GRIK2: variants seen among roughly 807,000 people sequenced by gnomAD.
GRIK2 encodes the protein glutamate receptor ionotropic, kainate 2.
Under a neutral mutation model 100.3 loss-of-function variants are expected in GRIK2, and 32 were observed. That is an observed-to-expected ratio of 0.32 (90% confidence interval 0.24 to 0.43). The LOEUF (loss-of-function observed/expected upper bound fraction) is 0.43, where lower values mean the gene tolerates loss of function less well. Ranked by LOEUF, GRIK2 falls within the 20% of genes least tolerant of loss-of-function variation. The probability of loss-of-function intolerance (pLI) is 1.00; values close to 1 mark genes in which losing one functional copy is unlikely to be tolerated. For synonymous variants in GRIK2, 417 were observed against 389.4 expected (o/e 1.07, Z -0.83); for missense variants, 843 against 1,114.9 (o/e 0.76, Z 3.47).
chr6:101,714,732 T>C (rs2128361158), intron 7 of GRIK2, among the ~76,000 whole-genome samples: 1 of 151,924 alleles, frequency 6.6e-6, no homozygotes, highest in African/African-American at 2.4e-5. Flanking sequence ...CTGTGCTTTG[T>C]AGCTGTTTTC....
chr6:102,044,091 T>G (rs1159423521), intron 15 of GRIK2, among the ~76,000 whole-genome samples: 2 of 151,900 alleles, frequency 1.3e-5, no homozygotes, highest in African/African-American at 4.8e-5. Context: ...GACCTTAATT[T>G]TATAGAAGTA....
At chr6:101,457,763 G>A (rs1296152515) in intron 2 of GRIK2, among the ~76,000 whole-genome samples, 1 of 151,984 alleles carries the variant, frequency 6.6e-6, no homozygotes, top group Non-Finnish European at 1.5e-5. Context: ...TTCAAACAAG[G>A]TTGACCTGGA....
chr6:101,485,382 TAATA>T (rs1475150531), intron 2 of GRIK2, among the ~76,000 whole-genome samples: 1 of 152,216 alleles, frequency 6.6e-6, no homozygotes, highest in Admixed American at 6.5e-5. Flanking sequence ...TTTTTAGGCA[TAATA>T]AATTAACTTT....
chr6:102,027,304 T>G (rs1184806516), intron 14 of GRIK2, among the ~76,000 whole-genome samples: 1 of 151,256 alleles, frequency 6.6e-6, no homozygotes, highest in Non-Finnish European at 1.5e-5. Context: ...TTTACTGTAT[T>G]AATCTATACA....
intron 2 of GRIK2, among the ~76,000 whole-genome samples, chr6:101,410,269 T>A (rs764570751): frequency 8.5e-5 from 13 of 152,172 alleles, no homozygotes; most frequent in Non-Finnish European, 1.6e-4. Context: ...ATGATGAACT[T>A]TTAGTTATTT....
In GRIK2 at chr6:101,420,020, T is replaced by C. The variant is rs1056227049; in HGVS notation, c.115+20628T>C. ...TTCTAACCTCTAGAGTGCAGCCCAA[T>C]GTGAAGATAATAATAACAGTGAAAT... is the stretch of plus-strand genomic sequence containing the variant. On this transcript the variant is annotated intron_variant, in intron 2 of 16. Transcript: ENST00000369134. Among the ~76,000 whole-genome samples, 8 of 152,312 alleles carry C rather than the reference T, an allele frequency of 5.3e-5. No homozygotes were observed. The East Asian group carries it at 9.6e-4, about 18-fold the overall frequency.
At chr6:101,461,006 C>T (rs1771279146) in intron 2 of GRIK2, among the ~76,000 whole-genome samples, 1 of 152,002 alleles carries the variant, frequency 6.6e-6, no homozygotes, top group Admixed American at 6.5e-5. Flanking sequence ...GTAGACATCA[C>T]CAATTAGAAA....
At chr6:101,427,468 G>T (rs1307589060) in intron 2 of GRIK2, among the ~76,000 whole-genome samples, 4 of 152,152 alleles carry the variant, frequency 2.6e-5, no homozygotes, top group Non-Finnish European at 1.5e-5. Context: ...TGTGCATGAA[G>T]GCAGGGACTA....
intron 10 of GRIK2, among the ~76,000 whole-genome samples, chr6:101,827,472 AAAAAC>A (rs1172912975): frequency 3.5e-5 from 5 of 144,866 alleles, no homozygotes; most frequent in African/African-American, 5.6e-5. Flanking sequence ...ATTGGATTAA[AAAAAC>A]AAAACAAAAC....
intron 2 of GRIK2, among the ~76,000 whole-genome samples, chr6:101,548,972 C>T (rs927053164): frequency 3.3e-5 from 5 of 152,018 alleles, no homozygotes; most frequent in African/African-American, 9.7e-5. Context: ...ATTTTGATCT[C>T]TTGGAAGAGG....
chr6:101,566,255 A>G (rs184528013), intron 2 of GRIK2, among the ~76,000 whole-genome samples: 121 of 151,990 alleles, frequency 8.0e-4, no homozygotes, highest in African/African-American at 2.7e-3. Flanking sequence ...TGTGATCATA[A>G]TACATATGAA....
Position 101,393,733 on chromosome 6 carries a change from G to T in GRIK2, c.-398G>T, listed in dbSNP as rs1318202298. Among the ~76,000 whole-genome samples, 2 of 152,098 alleles carry T rather than the reference G, an allele frequency of 1.3e-5. No homozygotes were observed. Among genetic ancestry groups the T allele is most frequent in the Non-Finnish European group, 2.9e-5 (2 of 68,010 alleles). ...ACTCGCGCTCGGCGCCGGCGGCTGC[G>T]CTGGTCGGTCTGGTAGCTGGGGACT... On this transcript the variant is annotated 5_prime_UTR_variant, in exon 1 of 17. Coordinates refer to ENST00000369134, the MANE Select transcript of GRIK2 (RefSeq NM_021956.5).
chr6:101,979,239 A>C (rs1793575970), intron 14 of GRIK2, among the ~76,000 whole-genome samples: 1 of 151,940 alleles, frequency 6.6e-6, no homozygotes, highest in Non-Finnish European at 1.5e-5. Flanking sequence ...GAAGAGTTGC[A>C]GTTTTTAGTA....
At chr6:101,764,737 T>C (rs2128394020) in intron 7 of GRIK2, among the ~76,000 whole-genome samples, 1 of 152,196 alleles carries the variant, frequency 6.6e-6, no homozygotes, top group Middle Eastern at 3.4e-3. Flanking sequence ...CTGAAGGATC[T>C]CCTGCCTCTA....
At chr6:101,708,146 T>C (rs533388005) in intron 7 of GRIK2, among the ~76,000 whole-genome samples, 36 of 151,888 alleles carry the variant, frequency 2.4e-4, no homozygotes, top group African/African-American at 7.5e-4. Context: ...AGCTGTGGAA[T>C]TTTTCTTAGT....
chr6:101,626,451 C>G lies in GRIK2; in HGVS notation c.355C>G (p.Gln119Glu). The G allele has an allele frequency of 1.2e-6, 2 of 1,613,746 alleles. No individual in the cohort carries two copies. The highest frequency in any genetic ancestry group is 1.7e-6 in the Non-Finnish European group (2 of 1,179,726). Reference protein sequence around the residue: ...PSHSSSANAVQSICNALGVPH... With the variant: ...PSHSSSANAVESICNALGVPH... ...ACACAGCTCATCAGCAAACGCAGTGCAGTCCATCTGCAATGCTCTGGGAGT... is the reference window on the plus strand; with the variant it reads ...ACACAGCTCATCAGCAAACGCAGTGGAGTCCATCTGCAATGCTCTGGGAGT... The change falls in exon 4 of 17, where the codon CAG becomes GAG. Residue 119 changes from glutamine to glutamate, a missense_variant. Around this residue, in one of 3 missense-constraint regions of GRIK2, gnomAD observed 519 missense variants for 643.8 expected, o/e 0.81. Coordinates refer to ENST00000369134, the MANE Select transcript of GRIK2 (RefSeq NM_021956.5).
chr6:101,797,417 C>A (rs1780376831), intron 7 of GRIK2, among the ~76,000 whole-genome samples: 1 of 151,480 alleles, frequency 6.6e-6, no homozygotes, highest in Non-Finnish European at 1.5e-5. Flanking sequence ...TCAATTAGTT[C>A]TTCACTTTTC....
intron 4 of GRIK2, among the ~76,000 whole-genome samples, chr6:101,633,436 T>C (rs1230551543): frequency 3.3e-5 from 5 of 152,068 alleles, no homozygotes; most frequent in African/African-American, 9.7e-5. Context: ...GATGCATGTA[T>C]AAGGTGAGGA....
intron 2 of GRIK2, among the ~76,000 whole-genome samples, chr6:101,601,460 T>C (rs946038061): frequency 6.6e-6 from 1 of 151,910 alleles, no homozygotes; most frequent in African/African-American, 2.4e-5. Flanking sequence ...GAATAAGTTA[T>C]GGAGGAATCC....
Sources: allele counts gnomAD v4.1 joint callset (sites outside exome capture counted in the v4.1 genomes callset), GRCh38; gene constraint gnomAD v4.1.1; regional missense constraint gnomAD v4.1.1; transcripts MANE v1.5; gene names NCBI Gene and HGNC (gene_info 2026-07-23, HGNC 2026-07-21).